The following IGSF11 variants were observed in gnomAD, a reference collection of about 807,000 sequenced individuals.
The protein encoded by IGSF11 is immunoglobulin superfamily member 11, also known as CXADR like 1.
A neutral mutation model predicts 41.0 loss-of-function variants in IGSF11; 22 were observed. The observed-to-expected ratio is 0.54, with a 90% CI of 0.38 to 0.77. The LOEUF is 0.77. Among genes scored for constraint, IGSF11 ranks in the 30% least tolerant of loss-of-function variants. IGSF11 has a pLI of 0.00. For synonymous variants in IGSF11, 219 were observed against 201.3 expected (o/e 1.09, Z -0.74); for missense variants, 444 against 530.8 (o/e 0.84, Z 1.61).
chr3:119,009,145 T>C (rs911761297), intron 1 of IGSF11, among the ~76,000 whole-genome samples: 1 of 152,196 alleles, frequency 6.6e-6, no homozygotes, highest in African/African-American at 2.4e-5. Context: ...CTTTAGTCTA[T>C]TTCCTTCAAT....
intron 1 of IGSF11, among the ~76,000 whole-genome samples, chr3:119,055,360 A>G (rs1418131598): frequency 6.6e-6 from 1 of 152,214 alleles, no homozygotes; most frequent in Non-Finnish European, 1.5e-5. Flanking sequence ...AAGAAGGCTA[A>G]AAGAGACAAA....
chr3:118,975,181 T>C (rs1933931450), intron 1 of IGSF11, among the ~76,000 whole-genome samples: 1 of 152,192 alleles, frequency 6.6e-6, no homozygotes, highest in African/African-American at 2.4e-5. Context: ...ATTGAAGAGA[T>C]TTTGCCTTGA....
chr3:118,990,777 T>C (rs1054742948), intron 1 of IGSF11, among the ~76,000 whole-genome samples: 1 of 151,594 alleles, frequency 6.6e-6, no homozygotes, highest in Non-Finnish European at 1.5e-5. Context: ...AACAGAAACC[T>C]GAAGTATTTC....
chr3:119,022,606 A>G (rs2107715591), intron 1 of IGSF11, among the ~76,000 whole-genome samples: 1 of 152,328 alleles, frequency 6.6e-6, no homozygotes, highest in Non-Finnish European at 1.5e-5. Flanking sequence ...GCTAGTAAAA[A>G]GGGGAAAAGG....
chr3:119,125,353 G>A (rs1286485374), intron 1 of IGSF11, among the ~76,000 whole-genome samples: 2 of 152,140 alleles, frequency 1.3e-5, no homozygotes, highest in African/African-American at 4.8e-5. Context: ...GGTGCAAGTG[G>A]GCTGAGTCCG....
intron 4 of IGSF11, among the ~76,000 whole-genome samples, chr3:118,917,855 T>G (rs1941332530): frequency 6.8e-6 from 1 of 147,278 alleles, no homozygotes; most frequent in Non-Finnish European, 1.5e-5. Context: ...GCAAAAATCC[T>G]CAATAAAATA....
chr3:119,048,770 C>G (rs1490839539), intron 1 of IGSF11, among the ~76,000 whole-genome samples: 4 of 151,956 alleles, frequency 2.6e-5, no homozygotes, highest in African/African-American at 9.7e-5. Context: ...CAAACCGAAT[C>G]CAGCAGCACA....
chr3:118,906,528 C>G (rs1343308526), intron 4 of IGSF11, among the ~76,000 whole-genome samples: 1 of 152,182 alleles, frequency 6.6e-6, no homozygotes, highest in Non-Finnish European at 1.5e-5. Context: ...TGGCTGGGAG[C>G]AGCCCAGGGG....
At chr3:118,970,857 T>C (rs535253609) in intron 1 of IGSF11, among the ~76,000 whole-genome samples, 2 of 152,154 alleles carry the variant, frequency 1.3e-5, no homozygotes, top group South Asian at 4.1e-4. Context: ...TTTTCATTTG[T>C]AGAAATAGGT....
chr3:119,100,551 CT>C (rs2076923591), intron 1 of IGSF11, among the ~76,000 whole-genome samples: 1 of 152,200 alleles, frequency 6.6e-6, no homozygotes, highest in Non-Finnish European at 1.5e-5. Context: ...CTACTATTCA[CT>C]GCTTAGAAAT....
At chr3:119,066,357 T>C (rs1416234923) in intron 1 of IGSF11, among the ~76,000 whole-genome samples, 1 of 152,238 alleles carries the variant, frequency 6.6e-6, no homozygotes, top group South Asian at 2.1e-4. Context: ...ATAGTCTTTT[T>C]TGGATTTACC....
chr3:119,086,769 C>G (rs568645647), intron 1 of IGSF11, among the ~76,000 whole-genome samples: 2 of 152,296 alleles, frequency 1.3e-5, no homozygotes, highest in South Asian at 4.1e-4. Context: ...GAGTGCTAAA[C>G]ATGGAATCCA....
intron 1 of IGSF11, among the ~76,000 whole-genome samples, chr3:119,007,184 C>T (rs928362433): frequency 4.1e-5 from 6 of 145,120 alleles, no homozygotes; most frequent in Non-Finnish European, 7.5e-5. Context: ...TTTTTTAAGC[C>T]GGTCTGAAAA....
intron 1 of IGSF11, among the ~76,000 whole-genome samples, chr3:118,973,255 G>T (rs1197097433): frequency 2.6e-5 from 4 of 152,174 alleles, no homozygotes; most frequent in African/African-American, 9.7e-5. Flanking sequence ...GTCCTGATCA[G>T]AACAGAATGG....
At chr3:119,107,406 T>C (rs1387635337), upstream of IGSF11, among the ~76,000 whole-genome samples, 2 of 152,250 alleles carry the variant, frequency 1.3e-5, no homozygotes, top group African/African-American at 4.8e-5. Flanking sequence ...TGTCTGTTCA[T>C]ATCCTTCACC....
chr3:119,016,998 G>C (rs560690441), intron 1 of IGSF11, among the ~76,000 whole-genome samples: 1 of 133,214 alleles, frequency 7.5e-6, no homozygotes, highest in South Asian at 2.4e-4. Context: ...ACAGTAAACA[G>C]ATATGGGCTA....
chr3:119,135,759 C>G (rs894013033), intron 1 of IGSF11, among the ~76,000 whole-genome samples: 1 of 152,154 alleles, frequency 6.6e-6, no homozygotes, highest in African/African-American at 2.4e-5. Flanking sequence ...AAGACACATG[C>G]ACACGTATGT....
intron 1 of IGSF11, among the ~76,000 whole-genome samples, chr3:119,043,793 G>T (rs1296731784): frequency 6.6e-6 from 1 of 152,174 alleles, no homozygotes; most frequent in Non-Finnish European, 1.5e-5. Context: ...TGGGTGGCTA[G>T]ATGCAGAAGG....
chr3:118,972,604 G>A (rs1292945806), intron 1 of IGSF11, among the ~76,000 whole-genome samples: 1 of 152,148 alleles, frequency 6.6e-6, no homozygotes, highest in Non-Finnish European at 1.5e-5. Flanking sequence ...TAAAATCCAT[G>A]TGCCTGACAC....
Sources: allele counts gnomAD v4.1 joint callset (sites outside exome capture counted in the v4.1 genomes callset), GRCh38; gene constraint gnomAD v4.1.1; transcripts MANE v1.5; gene names NCBI Gene and HGNC (gene_info 2026-07-23, HGNC 2026-07-21).